RPS6KC1: variants seen among roughly 807,000 people sequenced by gnomAD.
RPS6KC1 encodes the protein inactive ribosomal protein S6 kinase delta-1.
In RPS6KC1, 54 loss-of-function variants were observed where a neutral mutation model predicts 103.8. The observed-to-expected ratio is 0.52, with a 90% CI of 0.42 to 0.65. The LOEUF is 0.65. Ranked by LOEUF, RPS6KC1 falls within the 30% of genes least tolerant of loss-of-function variation. The probability of loss-of-function intolerance (pLI) is 0.00; values close to 1 mark genes in which losing one functional copy is unlikely to be tolerated. For synonymous variants in RPS6KC1, 439 were observed against 438.7 expected (o/e 1.00, Z -0.01); for missense variants, 1,151 against 1,253.8 (o/e 0.92, Z 1.24).
chr1:213,545,235 G>C, the RPS6KC1 span, among the ~76,000 whole-genome samples: 1 of 151,916 alleles, frequency 6.6e-6, no homozygotes, highest in Admixed American at 6.6e-5. Context: ...ACTGGGTGTG[G>C]TGATGGGCCC....
chr1:213,124,891 A>G (rs931030829), intron 5 of RPS6KC1, among the ~76,000 whole-genome samples: 2 of 152,162 alleles, frequency 1.3e-5, no homozygotes, highest in Non-Finnish European at 2.9e-5. Context: ...TAAGGTGGGC[A>G]AGGAAGAGGT....
the RPS6KC1 span, among the ~76,000 whole-genome samples, chr1:213,321,731 G>A: frequency 6.6e-6 from 1 of 152,242 alleles, no homozygotes; most frequent in East Asian, 1.9e-4. Flanking sequence ...GAGAGTTTGA[G>A]TGCCATAGAG....
the RPS6KC1 span, among the ~76,000 whole-genome samples, chr1:213,744,782 G>C: frequency 1.3e-5 from 2 of 152,244 alleles, no homozygotes; most frequent in Admixed American, 1.3e-4. Flanking sequence ...GTCTTTGTAG[G>C]GAAGGGAAGG....
chr1:213,155,278 T>G (rs1208225412), intron 6 of RPS6KC1, among the ~76,000 whole-genome samples: 1 of 152,160 alleles, frequency 6.6e-6, no homozygotes, highest in African/African-American at 2.4e-5. Context: ...GTATGCCATG[T>G]GTCCTCCTGT....
intron 3 of RPS6KC1, among the ~76,000 whole-genome samples, chr1:213,081,255 A>G (rs1448576265): frequency 6.6e-6 from 1 of 152,198 alleles, no homozygotes; most frequent in Non-Finnish European, 1.5e-5. Context: ...TAAAAGATGC[A>G]TGGGGCCTCC....
chr1:213,056,266 A>G (rs1242543636), intron 1 of RPS6KC1, among the ~76,000 whole-genome samples: 1 of 152,150 alleles, frequency 6.6e-6, no homozygotes, highest in Non-Finnish European at 1.5e-5. Flanking sequence ...CCACATTTTC[A>G]ATGAGGAAAT....
the RPS6KC1 span, among the ~76,000 whole-genome samples, chr1:213,393,853 T>C: frequency 1.3e-5 from 2 of 152,126 alleles, no homozygotes; most frequent in Admixed American, 6.5e-5. Context: ...CAAGAGAAGC[T>C]TGCTTAATAA....
At chr1:213,697,310 T>C in the RPS6KC1 span, among the ~76,000 whole-genome samples, 6 of 152,250 alleles carry the variant, frequency 3.9e-5, no homozygotes, top group African/African-American at 1.4e-4. Flanking sequence ...GGGAAGCAAA[T>C]CAGTGTCGTG....
At chr1:213,501,602 G>A in the RPS6KC1 span, among the ~76,000 whole-genome samples, 12 of 152,096 alleles carry the variant, frequency 7.9e-5, no homozygotes, top group South Asian at 2.3e-3. Flanking sequence ...AGGTATGGTG[G>A]TGAGCACACG....
chr1:213,781,385 A>G, the RPS6KC1 span, among the ~76,000 whole-genome samples: 5 of 152,202 alleles, frequency 3.3e-5, no homozygotes, highest in Non-Finnish European at 5.9e-5. Flanking sequence ...GGGGAAATTA[A>G]CAGAGCAAAG....
intron 1 of RPS6KC1, among the ~76,000 whole-genome samples, chr1:213,067,547 T>G (rs1293498213): frequency 6.6e-6 from 1 of 152,158 alleles, no homozygotes; most frequent in African/African-American, 2.4e-5. Flanking sequence ...ACAGTGAGGA[T>G]TCAGTGTCAT....
the RPS6KC1 span, among the ~76,000 whole-genome samples, chr1:213,668,208 C>T: frequency 0.27 from 41,537 of 151,912 alleles, 6,608 homozygotes; most frequent in East Asian, 0.53. Context: ...CTATTTATGA[C>T]AGCTAAAGCC....
intron 8 of RPS6KC1, among the ~76,000 whole-genome samples, chr1:213,202,583 A>G (rs1012401074): frequency 1.1e-4 from 16 of 152,164 alleles, no homozygotes; most frequent in Admixed American, 2.6e-4. Context: ...ACTGCACTCA[A>G]ACCTGGGCGA....
At chr1:213,799,138 C>T in the RPS6KC1 span, among the ~76,000 whole-genome samples, 38 of 152,254 alleles carry the variant, frequency 2.5e-4, no homozygotes, top group South Asian at 5.0e-3. Context: ...TCCTTCTGTC[C>T]GCCCTCCTGT....
At chr1:213,451,187 T>C in the RPS6KC1 span, among the ~76,000 whole-genome samples, 1 of 152,238 alleles carries the variant, frequency 6.6e-6, no homozygotes, top group Non-Finnish European at 1.5e-5. Context: ...TTGTCACATT[T>C]CTACATTTCT....
the RPS6KC1 span, among the ~76,000 whole-genome samples, chr1:213,490,037 C>A: frequency 6.6e-6 from 1 of 152,108 alleles, no homozygotes; most frequent in Non-Finnish European, 1.5e-5. Context: ...GGAAATCAGA[C>A]AAAACCCAGG....
chr1:213,464,271 C>T, the RPS6KC1 span, among the ~76,000 whole-genome samples: 1 of 152,068 alleles, frequency 6.6e-6, no homozygotes, highest in Non-Finnish European at 1.5e-5. Context: ...TGGATAGTTT[C>T]TGTTCTTTGA....
chr1:213,508,927 A>G, the RPS6KC1 span, among the ~76,000 whole-genome samples: 1 of 152,196 alleles, frequency 6.6e-6, no homozygotes, highest in African/African-American at 2.4e-5. Flanking sequence ...GAATTCATGG[A>G]TAGTGGCTTG....
chr1:213,612,469 CTTCAACAATTCATTTCA>C, the RPS6KC1 span, among the ~76,000 whole-genome samples: 1 of 152,120 alleles, frequency 6.6e-6, no homozygotes, highest in Admixed American at 6.5e-5. Context: ...GCTGGGGGTC[CTTCAACAATTCATTTCA>C]GTTTCCTCTT....
Sources: allele counts gnomAD v4.1 joint callset (sites outside exome capture counted in the v4.1 genomes callset), GRCh38; gene constraint gnomAD v4.1.1; transcripts MANE v1.5; gene names NCBI Gene and HGNC (gene_info 2026-07-23, HGNC 2026-07-21).